The following SCARA3 variants were observed in gnomAD, a reference collection of about 807,000 sequenced individuals.
SCARA3 encodes the protein cellular stress response gene protein.
A neutral mutation model predicts 47.0 loss-of-function variants in SCARA3; 39 were observed. The observed-to-expected ratio is 0.83, with a 90% confidence interval of 0.64 to 1.08. The LOEUF (loss-of-function observed/expected upper bound fraction) is 1.08, where lower values mean the gene tolerates loss of function less well. Ranked by LOEUF, SCARA3 falls within the 50% of genes least tolerant of loss-of-function variation. The pLI is 0.00. For missense variants in SCARA3, 724 were observed against 792.3 expected (o/e 0.91, Z 1.04); for synonymous variants, 356 against 334.1 (o/e 1.07, Z -0.71).
At chr8:27,712,446 T>C in the SCARA3 span, among the ~76,000 whole-genome samples, 84,410 of 147,142 alleles carry the variant, frequency 0.57, 24,166 homozygotes, top group Middle Eastern at 0.73. Context: ...GCCTGTAGTC[T>C]CAGCTACTTG....
chr8:27,660,289 T>C (rs1333917051), intron 5 of SCARA3, among the ~76,000 whole-genome samples: 3 of 151,782 alleles, frequency 2.0e-5, no homozygotes, highest in Non-Finnish European at 4.4e-5. Context: ...ATAGAATCAA[T>C]AGTGTATATA....
At chr8:27,718,785 T>C in the SCARA3 span, among the ~76,000 whole-genome samples, 3 of 152,234 alleles carry the variant, frequency 2.0e-5, no homozygotes, top group African/African-American at 7.2e-5. Context: ...AAAACTTGCA[T>C]GCGTTTATCC....
rs773957537 is a variant in SCARA3 at position 27,656,628 on chromosome 8, G to C, written c.227-154G>C. Among the ~76,000 whole-genome samples, 63 of 152,114 alleles carry C rather than the reference G, an allele frequency of 4.1e-4. 3 individuals are homozygous for C. The highest frequency in any genetic ancestry group is 4.6e-4 in the Admixed American group (7 of 15,278). ...GCCTTGTGGCAAACTCTGGCCATAA[G>C]AAGTATCTTCCCTAACCGCCATGAA... is the stretch of plus-strand genomic sequence containing the variant. On this transcript the variant is annotated intron_variant, in intron 3 of 5. Transcript: ENST00000301904.
Position 27,658,628 on chromosome 8 carries a change from C to A in SCARA3, c.458C>A (p.Thr153Asn), listed in dbSNP as rs1801812327. 3.1e-6 allele frequency: 5 copies of A among 1,613,926 alleles called. No homozygotes were observed. Among genetic ancestry groups the A allele is most frequent in the South Asian group, 2.2e-5 (2 of 91,078 alleles). The change falls in exon 5 of 6, where the codon ACC (threonine) becomes AAC (asparagine). Residue 153 changes from threonine to asparagine, a missense_variant. By Grantham distance (65) the Thr-to-Asn change is moderately conservative (BLOSUM62 0). Coordinates refer to ENST00000301904, the MANE Select transcript of SCARA3 (RefSeq NM_016240.3). ...LLAQEVQLDQ[T>N]LQAQEVLSTT... ...GCCCAGGAGGTGCAGCTGGACCAGA[C>A]CTTACAGGCCCAGGAGGTGCTCTCC...
chr8:27,687,921 T>G, the SCARA3 span, among the ~76,000 whole-genome samples: 3 of 151,972 alleles, frequency 2.0e-5, no homozygotes, highest in Admixed American at 2.0e-4. Flanking sequence ...GAGGCTGAGG[T>G]GGGAGAATTG....
the SCARA3 span, among the ~76,000 whole-genome samples, chr8:27,705,819 AC>A: frequency 6.6e-6 from 1 of 152,258 alleles, no homozygotes; most frequent in African/African-American, 2.4e-5. Context: ...AGGAGTATAA[AC>A]TAGTCTTGAG....
chr8:27,659,286 C>G lies in SCARA3; in HGVS notation c.1116C>G (p.His372Gln). 1 of 1,614,186 alleles carries G rather than the reference C, an allele frequency of 6.2e-7. No homozygotes were observed. Reference sequence around the variant, plus strand: ...TCAATGCCACCGACAACCACGTGCACAGCATGCTCAAGTACCTGGATGACG... The same window carrying G: ...TCAATGCCACCGACAACCACGTGCAGAGCATGCTCAAGTACCTGGATGACG... ...TNINATDNHV[H>Q]SMLKYLDDVR... Residue 372 changes from histidine (H) to glutamine (Q), a missense_variant, in exon 5 of 6, where the codon CAC becomes CAG. Physicochemically the swap from His to Gln is conservative, Grantham distance 24 (BLOSUM62 0). Transcript: ENST00000301904.
the SCARA3 span, among the ~76,000 whole-genome samples, chr8:27,695,488 TA>T: frequency 6.6e-6 from 1 of 151,916 alleles, no homozygotes; most frequent in Non-Finnish European, 1.5e-5. Context: ...CAATAGCAAA[TA>T]AAAAATTACT....
At chr8:27,674,055 C>A (rs1471995691), downstream of SCARA3, among the ~76,000 whole-genome samples, 1 of 152,174 alleles carries the variant, frequency 6.6e-6, no homozygotes, top group Non-Finnish European at 1.5e-5. Context: ...CCTCAGGAAG[C>A]CTCCTACCAC....
At chr8:27,674,725 C>CTTTTTTTT (rs71553874), downstream of SCARA3, among the ~76,000 whole-genome samples, 1 of 106,246 alleles carries the variant, frequency 9.4e-6, no homozygotes, top group Non-Finnish European at 1.9e-5. Context: ...TTTTCTCTCT[C>CTTTTTTTT]TTTTTTTTTT....
In SCARA3 at chr8:27,659,370, C is replaced by A. The variant is rs1801840289; in HGVS notation, c.1200C>A (p.Asn400Lys). 6.2e-7 allele frequency: 1 copy of A among 1,614,164 alleles called. No individual in the cohort carries two copies. The highest frequency in any genetic ancestry group is 8.5e-7 in the Non-Finnish European group (1 of 1,180,012). ...ATGCCGAGGAGCTCTACTACCTGAA[C>A]AAGTCTGTCTCCATCATGCTGGGCA... ...HTHAEELYYLNKSVSIMLGTT... is the reference protein window; with the variant it reads ...HTHAEELYYLKKSVSIMLGTT... The change falls in exon 5 of 6, where the codon AAC (asparagine) becomes AAA (lysine). Residue 400 changes from asparagine to lysine, a missense_variant. Coordinates refer to ENST00000301904, the MANE Select transcript of SCARA3 (RefSeq NM_016240.3).
intron 3 of SCARA3, 141 bp from the exon 4 acceptor site, chr8:27,656,641 T>C (rs1801749639): frequency 1.6e-6 from 1 of 636,286 alleles, no homozygotes; most frequent in Admixed American, 2.5e-5. Context: ...GTATCTTCCC[T>C]AACCGCCATG....
At chr8:27,667,250 G>C (rs1802035519) in intron 5 of SCARA3, among the ~76,000 whole-genome samples, 1 of 152,210 alleles carries the variant, frequency 6.6e-6, no homozygotes, top group African/African-American at 2.4e-5. Context: ...CACGCCTGCT[G>C]TCAGTCCTCT....
At chr8:27,724,386 G>A in the SCARA3 span, among the ~76,000 whole-genome samples, 8 of 152,142 alleles carry the variant, frequency 5.3e-5, no homozygotes, top group African/African-American at 1.7e-4. Flanking sequence ...AAGTGTGGCC[G>A]GGCACAGTGG....
At chr8:27,679,733 C>G (rs1285059853), downstream of SCARA3, 1 of 152,130 alleles carries the variant, frequency 6.6e-6, no homozygotes, top group African/African-American at 2.4e-5. Flanking sequence ...AGGTAAGTCT[C>G]AATGCATTTG....
chr8:27,659,848 T>TTA (rs1801853654), intron 5 of SCARA3, among the ~76,000 whole-genome samples: 3 of 40,336 alleles, frequency 7.4e-5, no homozygotes, highest in Non-Finnish European at 1.2e-4. Flanking sequence ...AGTCCTTATC[T>TTA]AAAAAAAAAA....
chr8:27,726,605 C>T, the SCARA3 span, among the ~76,000 whole-genome samples: 3 of 151,440 alleles, frequency 2.0e-5, no homozygotes, highest in East Asian at 3.9e-4. Context: ...GAGACTGAGG[C>T]AGGAGAATTG....
chr8:27,650,906 A>G (rs1056156862), intron 2 of SCARA3, among the ~76,000 whole-genome samples: 2 of 152,140 alleles, frequency 1.3e-5, no homozygotes, highest in East Asian at 3.9e-4. Flanking sequence ...CTTTTTTAAA[A>G]TAGAGATGGG....
chr8:27,685,378 CAAA>C, the SCARA3 span, among the ~76,000 whole-genome samples: 1 of 152,118 alleles, frequency 6.6e-6, no homozygotes, highest in Non-Finnish European at 1.5e-5. Context: ...CCAAAACACT[CAAA>C]GAAGTCAAAA....
Sources: gnomAD v4.1 joint callset for allele counts (sites outside exome capture counted in the v4.1 genomes callset) on GRCh38, gnomAD v4.1.1 for gene constraint, MANE v1.5 for transcripts, NCBI Gene and HGNC (gene_info 2026-07-23, HGNC 2026-07-21) for gene names.